SVOP: variants seen among roughly 807,000 people sequenced by gnomAD.
SVOP encodes the protein synaptic vesicle 2-related protein.
Under a neutral mutation model 69.1 loss-of-function variants are expected in SVOP, and 17 were observed. That is an observed-to-expected ratio of 0.25 (90% CI 0.17 to 0.37). SVOP has a LOEUF of 0.37. Ranked by LOEUF, SVOP falls within the 10% of genes least tolerant of loss-of-function variation. The probability of loss-of-function intolerance (pLI) is 1.00; values close to 1 mark genes in which losing one functional copy is unlikely to be tolerated. For synonymous variants in SVOP, 238 were observed against 238.6 expected (o/e 1.00, Z 0.02); for missense variants, 435 against 597.5 (o/e 0.73, Z 2.84).
intron 11 of SVOP, among the ~76,000 whole-genome samples, chr12:108,931,512 T>G (rs748960371): frequency 1.3e-5 from 2 of 152,124 alleles, no homozygotes; most frequent in Non-Finnish European, 2.9e-5. Context: ...CTCTCCCAAG[T>G]CCTGATTAAA....
intron 6 of SVOP, among the ~76,000 whole-genome samples, chr12:108,954,223 T>C (rs2039973392): frequency 6.6e-6 from 1 of 151,978 alleles, no homozygotes; most frequent in South Asian, 2.1e-4. Context: ...CTATGTGACC[T>C]TGGGCATGCT....
In SVOP at chr12:108,923,129, C is replaced by T. The variant is rs560724143; in HGVS notation, c.1049-332G>A. Among the ~76,000 whole-genome samples the T allele has an allele frequency of 7.3e-4, 111 of 152,336 alleles. 1 individual carries two copies. Among genetic ancestry groups the T allele is most frequent in the South Asian group, 3.7e-3 (18 of 4,830 alleles). On this transcript the variant is annotated intron_variant, in intron 11 of 15. Coordinates refer to ENST00000610966, the MANE Select transcript of SVOP (RefSeq NM_018711.5). ...TGGCAGACAGACTCTAGGGTGGCCC[C>T]CATGATCCCCACTTCCTGGTAGTCA...
intron 1 of SVOP, among the ~76,000 whole-genome samples, chr12:108,987,022 C>T (rs375841351): frequency 7.4e-4 from 113 of 152,078 alleles, no homozygotes; most frequent in East Asian, 1.2e-3. Flanking sequence ...ACAAAATTTG[C>T]CATTTTAACC....
Position 108,912,668 on chromosome 12 carries a change from G to A in SVOP, c.1514C>T (p.Ser505Phe). 1 of 1,613,994 alleles carries A rather than the reference G, an allele frequency of 6.2e-7. No homozygotes were observed. Among genetic ancestry groups the A allele is most frequent in the Non-Finnish European group, 8.5e-7 (1 of 1,179,900 alleles). ...TTTGGTCTCAATGGGCAAAAAGCAG[G>A]AGGCCAGGGCAGCCAGGAGGCAGCA... Reference protein sequence around the residue: ...SGCCLLAALASCFLPIETKGR... With the variant: ...SGCCLLAALAFCFLPIETKGR... Residue 505 changes from serine to phenylalanine, a missense_variant, in exon 16 of 16, where the codon TCC (serine) becomes TTC (phenylalanine). Transcript: ENST00000610966.
At chr12:108,987,592 C>T (rs2040172946) in intron 1 of SVOP, among the ~76,000 whole-genome samples, 1 of 152,198 alleles carries the variant, frequency 6.6e-6, no homozygotes, top group South Asian at 2.1e-4. Context: ...TTCTCCACAT[C>T]CTTGCCAATA....
intron 6 of SVOP, among the ~76,000 whole-genome samples, chr12:108,952,163 C>T (rs936851892): frequency 4.6e-5 from 7 of 151,610 alleles, no homozygotes; most frequent in Non-Finnish European, 1.0e-4. Context: ...TGTTTTAAAC[C>T]ATGAATGCAA....
intron 4 of SVOP, among the ~76,000 whole-genome samples, chr12:108,975,057 T>C (rs1368952260): frequency 6.6e-6 from 1 of 152,228 alleles, no homozygotes; most frequent in Non-Finnish European, 1.5e-5. Flanking sequence ...TTAATTCTTT[T>C]CTAGATTAAC....
intron 1 of SVOP, among the ~76,000 whole-genome samples, chr12:108,989,976 AT>A (rs1417057284): frequency 1.3e-5 from 2 of 152,220 alleles, no homozygotes; most frequent in Non-Finnish European, 2.9e-5. Flanking sequence ...AGGTACAGTT[AT>A]TATACCCATT....
At position 108,989,360 on chromosome 12, in the gene SVOP, A is replaced by G. The variant is rs144917587; in HGVS notation, c.36-5599T>C. ...GAAGTGCTGGGATTAGGATTTTTCT[A>G]TTTCTGAAAACAGTGAGATGGCGAT... On this transcript the variant is annotated intron_variant, in intron 1 of 15. Coordinates refer to ENST00000610966, the MANE Select transcript of SVOP (RefSeq NM_018711.5). 5.8e-4 allele frequency among the ~76,000 whole-genome samples: 89 copies of G among 152,208 alleles called. 1 individual carries two copies. In the East Asian group the frequency reaches 0.014, roughly 24 times the overall value.
Position 108,945,141 on chromosome 12 carries a change from G to T in SVOP, c.604C>A (p.Pro202Thr). ...QSVTLYAEFLPMKARAKCILL... is the reference protein window; with the variant it reads ...QSVTLYAEFLTMKARAKCILL... ...ATACATTTAGCTCTGGCTTTCATGGGAAGGAACTCGGCATACAGCGTCACC... is the reference window on the plus strand; with the variant it reads ...ATACATTTAGCTCTGGCTTTCATGGTAAGGAACTCGGCATACAGCGTCACC... The change falls in exon 7 of 16, where the codon CCC (proline) becomes ACC (threonine). Residue 202 changes from proline to threonine, a missense_variant. Pro to Thr is a conservative substitution (Grantham distance 38). Coordinates refer to ENST00000610966, the MANE Select transcript of SVOP (RefSeq NM_018711.5). 6.5e-7 allele frequency: 1 copy of T among 1,537,082 alleles called. No homozygotes were observed. The highest frequency in any genetic ancestry group is 8.7e-7 in the Non-Finnish European group (1 of 1,146,858).
At chr12:108,941,012 A>T in intron 7 of SVOP, 103 bp from the exon 8 acceptor site, 1 of 1,436,422 alleles carries the variant, frequency 7.0e-7, no homozygotes, top group Non-Finnish European at 9.2e-7. Flanking sequence ...GTAAGGGGTC[A>T]TCGGAGTCAG....
chr12:109,005,524 C>A (rs1225121993), intron 1 of SVOP, among the ~76,000 whole-genome samples: 1 of 152,078 alleles, frequency 6.6e-6, no homozygotes. Context: ...GAAGTGGATG[C>A]TCTGGTTGGC....
At chr12:108,933,947 A>G (rs1012401149) in intron 11 of SVOP, among the ~76,000 whole-genome samples, 9 of 152,114 alleles carry the variant, frequency 5.9e-5, no homozygotes, top group Non-Finnish European at 1.2e-4. Flanking sequence ...TTTTTCTTTA[A>G]TGTGCCTTGG....
At chr12:108,932,652 C>T (rs187389063) in intron 11 of SVOP, among the ~76,000 whole-genome samples, 149 of 152,144 alleles carry the variant, frequency 9.8e-4, no homozygotes, top group African/African-American at 3.5e-3. Context: ...AACTGAATTC[C>T]GGCCATGATG....
Position 109,013,472 on chromosome 12 carries a change from C to A in SVOP, c.35+7362G>T, listed in dbSNP as rs542216869. ...GTAGCACGATCTTTGATTACTGCAA[C>A]CTCTGCCTCCCAGGTTCAAGTGATT... On this transcript the variant is annotated intron_variant, in intron 1 of 15. Transcript: ENST00000610966. Among the ~76,000 whole-genome samples, 24 of 151,602 alleles carry A rather than the reference C, an allele frequency of 1.6e-4. 1 individual carries two copies. Among genetic ancestry groups the A allele is most frequent in the Middle Eastern group, 3.4e-3 (1 of 290 alleles).
chr12:108,941,013 T>G, intron 7 of SVOP, 104 bp from the exon 8 acceptor site: 2 of 1,432,856 alleles, frequency 1.4e-6, no homozygotes, highest in Non-Finnish European at 1.9e-6. Context: ...TAAGGGGTCA[T>G]CGGAGTCAGT....
chr12:109,007,865 A>G (rs1421367723), intron 1 of SVOP, among the ~76,000 whole-genome samples: 3 of 152,096 alleles, frequency 2.0e-5, no homozygotes, highest in Admixed American at 2.0e-4. Flanking sequence ...TGGCAAGACC[A>G]TGTCTCTACA....
intron 2 of SVOP, among the ~76,000 whole-genome samples, chr12:108,982,754 ATCAC>A (rs2040145464): frequency 2.0e-5 from 3 of 151,574 alleles, no homozygotes; most frequent in Non-Finnish European, 4.4e-5. Flanking sequence ...CATCATCATC[ATCAC>A]TATCATCAAC....
intron 14 of SVOP, among the ~76,000 whole-genome samples, chr12:108,916,264 G>A (rs925189502): frequency 7.2e-5 from 11 of 152,360 alleles, no homozygotes; most frequent in African/African-American, 2.6e-4. Context: ...AATGTTTACA[G>A]TCTCTCAGTT....
Sources: allele counts gnomAD v4.1 joint callset (sites outside exome capture counted in the v4.1 genomes callset), GRCh38; gene constraint gnomAD v4.1.1; transcripts MANE v1.5; gene names NCBI Gene and HGNC (gene_info 2026-07-23, HGNC 2026-07-21).